Variants in PDE4B observed in about 807,000 individuals in gnomAD.
PDE4B encodes the protein 3',5'-cyclic-AMP phosphodiesterase 4B.
A neutral mutation model predicts 82.2 loss-of-function variants in PDE4B; 20 were observed. The observed-to-expected ratio is 0.24, with a 90% CI of 0.17 to 0.35. The LOEUF (loss-of-function observed/expected upper bound fraction) is 0.35. PDE4B is among the 10% of genes least tolerant of loss of function. The probability of loss-of-function intolerance (pLI) is 1.00; values close to 1 mark genes in which losing one functional copy is unlikely to be tolerated. For synonymous variants in PDE4B, 320 were observed against 318.9 expected (o/e 1.00, Z -0.04); for missense variants, 655 against 907.2 (o/e 0.72, Z 3.57).
chr1:66,328,677 C>T (rs1402673198), intron 7 of PDE4B, among the ~76,000 whole-genome samples: 3 of 152,188 alleles, frequency 2.0e-5, no homozygotes, highest in Admixed American at 6.5e-5. Flanking sequence ...CTCCTCTGCT[C>T]GCTGGTGCCC....
chr1:66,139,733 CT>C (rs1646130943), intron 3 of PDE4B, among the ~76,000 whole-genome samples: 5 of 104,396 alleles, frequency 4.8e-5, no homozygotes, highest in African/African-American at 1.3e-4. Flanking sequence ...CCCCTCCCCC[CT>C]CAAAAAAAAA....
At chr1:65,956,785 G>A (rs1316897615) in intron 3 of PDE4B, among the ~76,000 whole-genome samples, 1 of 152,090 alleles carries the variant, frequency 6.6e-6, no homozygotes, top group Non-Finnish European at 1.5e-5. Flanking sequence ...TCATTGGTGT[G>A]ATTGCTGTCT....
At chr1:66,322,070 G>A (rs1219192391) in intron 7 of PDE4B, among the ~76,000 whole-genome samples, 1 of 152,110 alleles carries the variant, frequency 6.6e-6, no homozygotes, top group Non-Finnish European at 1.5e-5. Flanking sequence ...AAGCAATGGG[G>A]TAATGATTCC....
At chr1:65,856,651 G>T (rs140122592) in intron 1 of PDE4B, among the ~76,000 whole-genome samples, 3,451 of 152,284 alleles carry the variant, frequency 0.023, 100 homozygotes, top group East Asian at 0.08. Context: ...ATGTGTGCAT[G>T]TGTCTTTATA....
intron 3 of PDE4B, among the ~76,000 whole-genome samples, chr1:65,932,202 G>C (rs1328446111): frequency 6.6e-6 from 1 of 151,566 alleles, no homozygotes; most frequent in Non-Finnish European, 1.5e-5. Flanking sequence ...CATGCAACTA[G>C]ATGATGCAGT....
At chr1:66,196,440 G>T (rs1648302906) in intron 3 of PDE4B, among the ~76,000 whole-genome samples, 1 of 152,192 alleles carries the variant, frequency 6.6e-6, no homozygotes. Context: ...ATCTTGTTTT[G>T]CTGTCAAACC....
intron 13 of PDE4B, 84 bp from the exon 14 acceptor site, chr1:66,367,612 T>C: frequency 2.7e-6 from 3 of 1,116,708 alleles, no homozygotes; most frequent in Non-Finnish European, 3.9e-6. Context: ...TGGAGAGAAC[T>C]AGGTCTGATT....
chr1:66,106,690 T>C (rs150884820), intron 3 of PDE4B, among the ~76,000 whole-genome samples: 9,379 of 152,126 alleles, frequency 0.062, 421 homozygotes, highest in South Asian at 0.17. Flanking sequence ...TTGAGAAATT[T>C]ATCCATTTCT....
At chr1:66,035,250 A>G (rs1654001482) in intron 3 of PDE4B, among the ~76,000 whole-genome samples, 1 of 150,482 alleles carries the variant, frequency 6.6e-6, no homozygotes, top group South Asian at 2.1e-4. Flanking sequence ...GTTTTGACAC[A>G]TGTTTAGATT....
At chr1:66,315,903 T>C (rs1658994555) in intron 7 of PDE4B, among the ~76,000 whole-genome samples, 1 of 152,176 alleles carries the variant, frequency 6.6e-6, no homozygotes, top group Non-Finnish European at 1.5e-5. Context: ...GAGTTTTCAC[T>C]GAGGGCTTGG....
intron 3 of PDE4B, among the ~76,000 whole-genome samples, chr1:66,166,719 G>A (rs1349504390): frequency 1.4e-5 from 2 of 142,740 alleles, no homozygotes; most frequent in Admixed American, 7.1e-5. Flanking sequence ...GGGCAATAGA[G>A]CAAGACTCTG....
intron 3 of PDE4B, among the ~76,000 whole-genome samples, chr1:66,178,114 T>C (rs1365979739): frequency 1.3e-5 from 2 of 151,872 alleles, no homozygotes; most frequent in Non-Finnish European, 2.9e-5. Flanking sequence ...AAGCTCAGGA[T>C]AGGTAACATA....
chr1:66,274,834 G>A (rs1655761361), intron 7 of PDE4B, among the ~76,000 whole-genome samples: 1 of 152,158 alleles, frequency 6.6e-6, no homozygotes, highest in Admixed American at 6.6e-5. Context: ...CCAGCCTTCT[G>A]GTATCAGTAG....
chr1:66,162,494 A>G (rs1327669977), intron 3 of PDE4B, among the ~76,000 whole-genome samples: 2 of 151,972 alleles, frequency 1.3e-5, no homozygotes, highest in Non-Finnish European at 2.9e-5. Flanking sequence ...TAAGCCAGCC[A>G]GCTTCTCTCT....
chr1:66,263,393 C>T (rs773386594), intron 6 of PDE4B, among the ~76,000 whole-genome samples: 2 of 152,088 alleles, frequency 1.3e-5, no homozygotes, highest in African/African-American at 4.8e-5. Flanking sequence ...GTGCTGTGTT[C>T]GAGGAACAGC....
At chr1:66,122,782 T>C (rs7533441) in intron 3 of PDE4B, among the ~76,000 whole-genome samples, 39,222 of 147,992 alleles carry the variant, frequency 0.27, 6,134 homozygotes, top group Middle Eastern at 0.37. Flanking sequence ...CTTGGCTCAC[T>C]GCAACCTCTG....
rs149461083 is a variant in PDE4B, at chr1:66,174,804, G to C, written c.282-72656G>C. 5.5e-3 allele frequency among the ~76,000 whole-genome samples: 826 copies of C among 151,456 alleles called. 6 individuals carry two copies. Among genetic ancestry groups the C allele is most frequent in the African/African-American group, 0.019 (789 of 41,378 alleles). ...ACAACAACAACAACAAACTACCTGAGACTGGGTAATTTATAAAGAAAAGAG... is the reference window on the plus strand; with the variant it reads ...ACAACAACAACAACAAACTACCTGACACTGGGTAATTTATAAAGAAAAGAG... On this transcript the variant is annotated intron_variant, in intron 3 of 16. Transcript: ENST00000341517.
At chr1:66,018,556 C>A (rs151078888) in intron 3 of PDE4B, among the ~76,000 whole-genome samples, 62 of 151,944 alleles carry the variant, frequency 4.1e-4, no homozygotes, top group African/African-American at 1.5e-3. Context: ...TATCAAAGGA[C>A]AATTCCAATA....
At chr1:65,890,961 G>A (rs990399926) in intron 1 of PDE4B, among the ~76,000 whole-genome samples, 2 of 151,938 alleles carry the variant, frequency 1.3e-5, no homozygotes, top group African/African-American at 4.8e-5. Flanking sequence ...TTTGTGATTC[G>A]CTCTGTGACT....
Sources: allele counts gnomAD v4.1 joint callset (sites outside exome capture counted in the v4.1 genomes callset), GRCh38; gene constraint gnomAD v4.1.1; transcripts MANE v1.5; gene names NCBI Gene and HGNC (gene_info 2026-07-23, HGNC 2026-07-21).